LRRD1: variants seen among roughly 807,000 people sequenced by gnomAD.
LRRD1 encodes the protein leucine-rich repeat and death domain-containing protein 1.
A neutral mutation model predicts 69.5 loss-of-function variants in LRRD1; 49 were observed. The ratio of observed to expected loss-of-function variants is 0.70; its 90% CI spans 0.56 to 0.89. The LOEUF (loss-of-function observed/expected upper bound fraction) is 0.89. LRRD1 is among the 40% of genes least tolerant of loss of function. The pLI is 0.00. For synonymous variants in LRRD1, 303 were observed against 338.9 expected, an observed-to-expected ratio of 0.89 and a Z score of 1.16; for missense variants, 853 against 956.0, an observed-to-expected ratio of 0.89 and a Z score of 1.42.
intron 1 of LRRD1, among the ~76,000 whole-genome samples, chr7:92,167,892 A>T (rs1053873114): frequency 1.2e-4 from 18 of 148,816 alleles, no homozygotes; most frequent in Non-Finnish European, 2.1e-4. Context: ...AAAAAAAAAA[A>T]AAAAAAAAAA....
rs141623735 is a variant in LRRD1, at chr7:92,163,141, G to A, written c.1917+145C>T. On this transcript the variant is annotated intron_variant, in intron 2 of 5. Coordinates refer to ENST00000458448, the MANE Select transcript of LRRD1 (RefSeq NM_001161528.2). ...TGTATTTATAAGCCATGTTTGGCGG[G>A]GACGGGGAGGGCTTTCATTTAAAAA... 1.2e-3 allele frequency: 511 copies of A among 441,090 alleles called. 5 individuals are homozygous for A. Among genetic ancestry groups the A allele is most frequent in the African/African-American group, 9.4e-3 (464 of 49,404 alleles). 27.3% of individuals were successfully genotyped at this position (441,090 alleles called of 1,614,324 possible). A position where few individuals can be genotyped will look rare whatever the true frequency, so the allele number is the denominator to read the frequency against.
intron 4 of LRRD1, among the ~76,000 whole-genome samples, chr7:92,149,211 G>A (rs1820407251): frequency 6.6e-6 from 1 of 152,164 alleles, no homozygotes; most frequent in Non-Finnish European, 1.5e-5. Context: ...TGTATATTGT[G>A]ACTTTAAAGA....
chr7:92,153,038 G>A (rs1390931657), intron 3 of LRRD1, among the ~76,000 whole-genome samples: 1 of 151,784 alleles, frequency 6.6e-6, no homozygotes, highest in African/African-American at 2.4e-5. Flanking sequence ...TGACTAATAA[G>A]CATAATATTT....
rs1788840365 is a variant in LRRD1, at chr7:92,163,770, T to C, written c.1433A>G (p.Tyr478Cys). Residue 478 changes from tyrosine to cysteine, a missense_variant, in exon 2 of 6, where the codon TAT (tyrosine) becomes TGT (cysteine). Physicochemically the swap from Tyr to Cys is radical, Grantham distance 194. Around this residue, in one of 3 missense-constraint regions of LRRD1, gnomAD observed 739 missense variants for 808.0 expected, o/e 0.91. Transcript: ENST00000458448. Reference protein sequence around the residue: ...KIELSYNKIMYFPLGLCALDS... With the variant: ...KIELSYNKIMCFPLGLCALDS... ...TAAAGCACACAGTCCCAATGGAAAATACATTATTTTGTTATAACTCAATTC... is the reference window on the plus strand; with the variant it reads ...TAAAGCACACAGTCCCAATGGAAAACACATTATTTTGTTATAACTCAATTC... 13 of 1,508,230 alleles carry C rather than the reference T, an allele frequency of 8.6e-6. No homozygotes were observed. Among genetic ancestry groups the C allele is most frequent in the African/African-American group, 1.4e-5 (1 of 70,476 alleles). 93.4% of individuals were successfully genotyped at this position (1,508,230 alleles called of 1,614,324 possible).
chr7:92,146,041 A>G (rs144513432), intron 5 of LRRD1, 42 bp downstream of exon 5: 485 of 1,040,506 alleles, frequency 4.7e-4, no homozygotes, highest in Non-Finnish European at 6.4e-4. Flanking sequence ...TATACATCAG[A>G]ATGAGAATAA....
Position 92,165,265 on chromosome 7 carries a change from T to C in LRRD1, c.-63A>G. 1 of 1,019,410 alleles carries C rather than the reference T, an allele frequency of 9.8e-7. No homozygotes were observed. The highest frequency in any genetic ancestry group is 1.3e-6 in the Non-Finnish European group (1 of 754,782). The allele number at this position is 1,019,410 out of a possible 1,614,324, so 63.1% of individuals were successfully genotyped here. A position where few individuals can be genotyped will look rare whatever the true frequency, so the allele number is the denominator to read the frequency against. On this transcript the variant is annotated 5_prime_UTR_variant, in exon 2 of 6. Transcript: ENST00000458448. ...TAACTTGATTTTAATTTTCATGTTTTTTCCTTTGAATCTACAAAACAAATG... is the reference window on the plus strand; with the variant it reads ...TAACTTGATTTTAATTTTCATGTTTCTTCCTTTGAATCTACAAAACAAATG...
chr7:92,141,892 G>A (rs564505574), downstream of LRRD1: 16 of 152,098 alleles, frequency 1.1e-4, no homozygotes, highest in African/African-American at 3.4e-4. Flanking sequence ...ATTTAATATG[G>A]TCTCACATAG....
chr7:92,157,966 T>C (rs1224673746), intron 3 of LRRD1, among the ~76,000 whole-genome samples: 1 of 152,208 alleles, frequency 6.6e-6, no homozygotes, highest in East Asian at 1.9e-4. Flanking sequence ...TAAAATACTT[T>C]ATAGAATTCA....
intron 1 of LRRD1, among the ~76,000 whole-genome samples, chr7:92,169,635 G>C (rs368265240): frequency 6.6e-6 from 1 of 152,060 alleles, no homozygotes; most frequent in African/African-American, 2.4e-5. Context: ...GGGCGACAGA[G>C]AGAGATTTCG....
chr7:92,167,129 C>A lies in LRRD1; in HGVS notation c.-74-1853G>T, dbSNP rs558021470. 5.4e-5 allele frequency among the ~76,000 whole-genome samples: 8 copies of A among 146,998 alleles called. No individual in the cohort carries two copies. The South Asian group carries it at 1.7e-3, about 32-fold the overall frequency. On this transcript the variant is annotated intron_variant, in intron 1 of 5. Transcript: ENST00000458448. Reference sequence around the variant, plus strand: ...TTTTTTTTTTTGTGGGGACAGTCTTCTCTGTCACCAGGCTAGAGTGCAGTG... The same window carrying A: ...TTTTTTTTTTTGTGGGGACAGTCTTATCTGTCACCAGGCTAGAGTGCAGTG...
chr7:92,168,366 G>T (rs1788969586), intron 1 of LRRD1, among the ~76,000 whole-genome samples: 1 of 152,068 alleles, frequency 6.6e-6, no homozygotes, highest in African/African-American at 2.4e-5. Context: ...AAATATCCCT[G>T]ACAACAGCCA....
chr7:92,155,646 G>C (rs1311029520), intron 3 of LRRD1, among the ~76,000 whole-genome samples: 4 of 152,152 alleles, frequency 2.6e-5, no homozygotes, highest in African/African-American at 9.7e-5. Context: ...AAGGAGTATT[G>C]ACTCACATAA....
chr7:92,150,621 G>C lies in LRRD1; in HGVS notation c.2191C>G (p.Pro731Ala), dbSNP rs1246101278. Residue 731 changes from proline (P) to alanine (A), a missense_variant, in exon 4 of 6, where the codon CCT (proline) becomes GCT (alanine). Pro to Ala is a conservative substitution (Grantham distance 27). This residue lies in a region of LRRD1 where 739 missense variants were observed against 808.0 expected (regional missense o/e 0.91). Coordinates refer to ENST00000458448, the MANE Select transcript of LRRD1 (RefSeq NM_001161528.2). ...SLKEINFDDN[P>A]LLRPPVEICK... ...ATTTCCACTGGAGGTCTCAGCAAAGGGTTGTCATCAAAATTTATCTCCTTC... is the reference window on the plus strand; with the variant it reads ...ATTTCCACTGGAGGTCTCAGCAAAGCGTTGTCATCAAAATTTATCTCCTTC... 3 of 1,550,918 alleles carry C rather than the reference G, an allele frequency of 1.9e-6. No individual in the cohort carries two copies. The Admixed American group carries it at 5.9e-5, about 30-fold the overall frequency.
rs199538336 is a variant in LRRD1, at chr7:92,144,905, G to A, written c.2566C>T (p.Arg856Cys). 277 of 1,492,370 alleles carry A rather than the reference G, an allele frequency of 1.9e-4. 3 individuals are homozygous for A. In the East Asian group the frequency reaches 3.0e-3, roughly 16 times the overall value. 92.4% of individuals were successfully genotyped at this position (1,492,370 alleles called of 1,614,324 possible). ...DKITALNLFT[R>C]AIKF Reference sequence around the variant, plus strand: ...TCCACTGGTTAGAATTTAATTGCACGCGTAAAAAGATTTAAAGCTGTTATT... The same window carrying A: ...TCCACTGGTTAGAATTTAATTGCACACGTAAAAAGATTTAAAGCTGTTATT... Residue 856 changes from arginine (R) to cysteine (C), a missense_variant, in exon 6 of 6, where the codon CGT (arginine) becomes TGT (cysteine). Arg to Cys is a radical substitution (Grantham distance 180). Coordinates refer to ENST00000458448, the MANE Select transcript of LRRD1 (RefSeq NM_001161528.2).
chr7:92,144,674 A>T (rs1820270420), downstream of LRRD1, among the ~76,000 whole-genome samples: 1 of 151,696 alleles, frequency 6.6e-6, no homozygotes, highest in South Asian at 2.1e-4. Context: ...ATGCAACATC[A>T]CTATAATAAG....
chr7:92,167,891 A>T (rs936880724), intron 1 of LRRD1, among the ~76,000 whole-genome samples: 34 of 148,660 alleles, frequency 2.3e-4, no homozygotes, highest in Non-Finnish European at 3.4e-4. Context: ...AAAAAAAAAA[A>T]AAAAAAAAAA....
At chr7:92,156,123 T>C (rs1195695635) in intron 3 of LRRD1, among the ~76,000 whole-genome samples, 1 of 152,210 alleles carries the variant, frequency 6.6e-6, no homozygotes, top group Non-Finnish European at 1.5e-5. Flanking sequence ...TAACCATAAT[T>C]GTGGATCTAT....
At chr7:92,170,631 A>G (rs1350958096) in intron 1 of LRRD1, among the ~76,000 whole-genome samples, 1 of 152,242 alleles carries the variant, frequency 6.6e-6, no homozygotes, top group Non-Finnish European at 1.5e-5. Flanking sequence ...TCAATAATCA[A>G]TAGATCATCC....
intron 1 of LRRD1, among the ~76,000 whole-genome samples, chr7:92,169,621 G>A (rs1469608401): frequency 6.6e-6 from 1 of 152,030 alleles, no homozygotes; most frequent in Admixed American, 6.6e-5. Context: ...CTGCACTCCA[G>A]CTTGGGCGAC....
Sources: gnomAD v4.1 joint callset for allele counts (sites outside exome capture counted in the v4.1 genomes callset) on GRCh38, gnomAD v4.1.1 for gene constraint, gnomAD v4.1.1 regional missense constraint, MANE v1.5 for transcripts, NCBI Gene and HGNC (gene_info 2026-07-23, HGNC 2026-07-21) for gene names.